Variants in RARB observed in about 807,000 individuals in gnomAD.
The protein encoded by RARB is HBV-activated protein.
In RARB, 17 loss-of-function variants were observed where a neutral mutation model predicts 51.9. The observed-to-expected ratio is 0.33, with a 90% CI of 0.22 to 0.49. The LOEUF (loss-of-function observed/expected upper bound fraction) is 0.49, where lower values mean the gene tolerates loss of function less well. RARB is among the 20% of genes least tolerant of loss of function. The pLI is 0.99. For synonymous variants in RARB, 215 were observed against 195.4 expected (o/e 1.10, Z -0.84); for missense variants, 369 against 550.8 (o/e 0.67, Z 3.30).
intron 3 of RARB, among the ~76,000 whole-genome samples, chr3:25,530,021 G>A (rs1010403710): frequency 1.3e-5 from 2 of 151,968 alleles, no homozygotes; most frequent in East Asian, 1.9e-4. Flanking sequence ...AGCAACCCAC[G>A]GACCCGTGGC....
At chr3:25,440,735 T>C (rs1708636407) in intron 1 of RARB, among the ~76,000 whole-genome samples, 1 of 152,018 alleles carries the variant, frequency 6.6e-6, no homozygotes, top group African/African-American at 2.4e-5. Context: ...ATCGCGCCAC[T>C]GCACTCCAGT....
chr3:24,887,885 C>T (rs970492867), intron 2 of RARB, among the ~76,000 whole-genome samples: 1 of 152,070 alleles, frequency 6.6e-6, no homozygotes, highest in Admixed American at 6.6e-5. Context: ...AAGCTGATGG[C>T]CTTGAGGGAG....
chr3:25,099,107 T>C lies in RARB; in HGVS notation c.-327-33054T>C, dbSNP rs150745353. Reference sequence around the variant, plus strand: ...GAGGGAGTCTGTGAGAGGTAAATGATTAAGTAGTTATGAGTGAGGTGGTGA... The same window carrying C: ...GAGGGAGTCTGTGAGAGGTAAATGACTAAGTAGTTATGAGTGAGGTGGTGA... On this transcript the variant is annotated intron_variant, in intron 3 of 11. Coordinates refer to the RARB transcript ENST00000383772. Among the ~76,000 whole-genome samples, 648 of 152,180 alleles carry C rather than the reference T, an allele frequency of 4.3e-3. 3 individuals are homozygous for C. Among genetic ancestry groups the C allele is most frequent in the African/African-American group, 0.015 (622 of 41,524 alleles).
chr3:25,142,294 A>G (rs1700119446), intron 4 of RARB, among the ~76,000 whole-genome samples: 1 of 152,194 alleles, frequency 6.6e-6, no homozygotes, highest in Admixed American at 6.5e-5. Context: ...AGATCGTGCC[A>G]CTGCACTTCA....
intron 5 of RARB, among the ~76,000 whole-genome samples, chr3:25,261,824 G>T (rs748903382): frequency 6.6e-6 from 1 of 152,020 alleles, no homozygotes; most frequent in Non-Finnish European, 1.5e-5. Context: ...CATCACTAAT[G>T]CCTGCTTGTC....
rs113396405 is a variant in RARB at position 25,237,465 on chromosome 3, T to C, written c.178+62890T>C. Among the ~76,000 whole-genome samples the C allele has an allele frequency of 5.7e-3, 865 of 152,264 alleles. 15 individuals are homozygous for C. Among genetic ancestry groups the C allele is most frequent in the African/African-American group, 0.018 (765 of 41,560 alleles). ...TCTTACAGGAGAGAAAAATGTATCT[T>C]CTAAACAGTTTTTTGTTTTACATGA... On this transcript the variant is annotated intron_variant, in intron 5 of 11. Coordinates refer to the RARB transcript ENST00000383772.
At chr3:24,875,281 C>T (rs980797386) in intron 2 of RARB, among the ~76,000 whole-genome samples, 2 of 152,082 alleles carry the variant, frequency 1.3e-5, no homozygotes, top group African/African-American at 4.8e-5. Flanking sequence ...CTGCTGTATT[C>T]AGGCTTAAAT....
chr3:24,849,279 C>G (rs539739395), intron 1 of RARB, among the ~76,000 whole-genome samples: 4 of 152,282 alleles, frequency 2.6e-5, no homozygotes, highest in African/African-American at 9.6e-5. Context: ...TGTTTTCAGA[C>G]CATTGTTGCC....
chr3:24,916,368 C>T (rs556911250), intron 2 of RARB, among the ~76,000 whole-genome samples: 1 of 152,288 alleles, frequency 6.6e-6, no homozygotes, highest in African/African-American at 2.4e-5. Context: ...TTAACATAAT[C>T]CCATGTCTCC....
chr3:25,147,503 G>A (rs981411248), intron 4 of RARB, among the ~76,000 whole-genome samples: 1 of 152,154 alleles, frequency 6.6e-6, no homozygotes, highest in Non-Finnish European at 1.5e-5. Flanking sequence ...CCTGGGTTGT[G>A]TTGAAGTGTT....
At chr3:25,115,253 A>C (rs1302635044) in intron 3 of RARB, among the ~76,000 whole-genome samples, 1 of 152,194 alleles carries the variant, frequency 6.6e-6, no homozygotes, top group Non-Finnish European at 1.5e-5. Flanking sequence ...AATTTCAAGA[A>C]GTATAACATT....
intron 5 of RARB, among the ~76,000 whole-genome samples, chr3:25,310,959 T>C (rs1232989437): frequency 6.6e-6 from 1 of 152,106 alleles, no homozygotes; most frequent in African/African-American, 2.4e-5. Context: ...CTCTGGAAAT[T>C]AAAGGAGATG....
Position 24,833,549 on chromosome 3 carries a change from C to T in RARB, c.-459+4146C>T, listed in dbSNP as rs9809031. Among the ~76,000 whole-genome samples the T allele has an allele frequency of 1.7e-3, 252 of 152,308 alleles. 1 individual carries two copies. The highest frequency in any genetic ancestry group is 5.9e-3 in the African/African-American group (247 of 41,566). ...AACATCTATTCAATTGCCCACTTAA[C>T]GTCTCCATTTGGATGTTTCCCAAGC... On this transcript the variant is annotated intron_variant, in intron 1 of 11. Coordinates refer to the RARB transcript ENST00000383772.
chr3:25,513,678 A>ACACACACACACG (rs1447307548), intron 3 of RARB, among the ~76,000 whole-genome samples: 1 of 151,976 alleles, frequency 6.6e-6, no homozygotes, highest in African/African-American at 2.4e-5. Flanking sequence ...ACACACACAC[A>ACACACACACACG]CACACACATT....
intron 2 of RARB, among the ~76,000 whole-genome samples, chr3:24,883,240 T>G (rs1452138807): frequency 6.6e-6 from 1 of 152,206 alleles, no homozygotes; most frequent in African/African-American, 2.4e-5. Flanking sequence ...GCAAGTTGCA[T>G]TTTAGAGTCA....
intron 5 of RARB, among the ~76,000 whole-genome samples, chr3:25,593,031 G>T (rs1701672655): frequency 6.6e-6 from 1 of 152,086 alleles, no homozygotes. Context: ...TGTAAAATAA[G>T]AATAATATTC....
At chr3:24,845,585 A>T (rs1247029822) in intron 1 of RARB, among the ~76,000 whole-genome samples, 4 of 152,242 alleles carry the variant, frequency 2.6e-5, no homozygotes, top group African/African-American at 9.6e-5. Context: ...AAGGAGGCTG[A>T]GAAATGTAAC....
chr3:25,098,659 A>G (rs1699345396), intron 3 of RARB, among the ~76,000 whole-genome samples: 2 of 152,138 alleles, frequency 1.3e-5, no homozygotes, highest in South Asian at 4.1e-4. Flanking sequence ...TACATTGTCT[A>G]TGGCTGATTT....
chr3:25,424,574 C>G (rs564857480), upstream of RARB, among the ~76,000 whole-genome samples: 1 of 152,304 alleles, frequency 6.6e-6, no homozygotes, highest in African/African-American at 2.4e-5. Context: ...AAACAAAAAG[C>G]CAAAACAACA....
Sources: gnomAD v4.1 joint callset for allele counts (sites outside exome capture counted in the v4.1 genomes callset) on GRCh38, gnomAD v4.1.1 for gene constraint, MANE v1.5 for transcripts, NCBI Gene and HGNC (gene_info 2026-07-23, HGNC 2026-07-21) for gene names.